Variants in SLC25A42 observed in about 807,000 individuals in gnomAD.
SLC25A42 encodes the protein solute carrier family 25 member 42, also known as mitochondrial coenzyme A transporter SLC25A42.
In SLC25A42, 19 loss-of-function variants were observed where a neutral mutation model predicts 34.7. The observed-to-expected ratio is 0.55, with a 90% CI of 0.38 to 0.80. The LOEUF (loss-of-function observed/expected upper bound fraction) is 0.80. Among genes scored for constraint, SLC25A42 ranks in the 30% least tolerant of loss-of-function variants. The pLI is 0.00. For missense variants in SLC25A42, 364 were observed against 441.3 expected, an observed-to-expected ratio of 0.82 and a Z score of 1.57; for synonymous variants, 205 against 191.2, an observed-to-expected ratio of 1.07 and a Z score of -0.59.
At position 19,076,874 on chromosome 19, in the gene SLC25A42, G is replaced by A. The variant is rs369380552; in HGVS notation, c.-35+12759G>A. ...ATCTTTATCACCATAAATGTGTTTT[G>A]TACTTACGTTTCTTAAAAATTGTGG... is the stretch of plus-strand genomic sequence containing the variant. On this transcript the variant is annotated intron_variant, in intron 1 of 7. Coordinates refer to ENST00000318596, the MANE Select transcript of SLC25A42 (RefSeq NM_178526.5). Among the ~76,000 whole-genome samples the A allele has an allele frequency of 3.2e-4, 48 of 152,030 alleles. 1 individual carries two copies. In the South Asian group the frequency reaches 5.6e-3, roughly 18 times the overall value.
Position 19,107,879 on chromosome 19 carries a change from G to T in SLC25A42, c.498-15G>T. The T allele has an allele frequency of 6.2e-7, 1 of 1,613,736 alleles. No individual in the cohort carries two copies. The highest frequency in any genetic ancestry group is 8.5e-7 in the Non-Finnish European group (1 of 1,179,884). ...AGGCCTGAGTCCCACCTGCTGGGCT[G>T]CTCTGTCCTGGCAGGTACAGCAACA... On this transcript the variant is annotated splice_polypyrimidine_tract_variant and intron_variant, in intron 6 of 7. Coordinates refer to ENST00000318596, the MANE Select transcript of SLC25A42 (RefSeq NM_178526.5).
chr19:19,097,523 C>T (rs1206540706), intron 2 of SLC25A42, among the ~76,000 whole-genome samples: 2 of 152,258 alleles, frequency 1.3e-5, no homozygotes, highest in South Asian at 2.1e-4. Flanking sequence ...CGCAGAAATG[C>T]GCCAGTGCTG....
At chr19:19,094,789 C>T (rs2059755717) in intron 1 of SLC25A42, among the ~76,000 whole-genome samples, 1 of 152,198 alleles carries the variant, frequency 6.6e-6, no homozygotes, top group Non-Finnish European at 1.5e-5. Flanking sequence ...GCCTGGAATC[C>T]CAGCATTTTG....
At chr19:19,103,102 G>T (rs1374591045) in intron 3 of SLC25A42, among the ~76,000 whole-genome samples, 1 of 151,838 alleles carries the variant, frequency 6.6e-6, no homozygotes, top group Non-Finnish European at 1.5e-5. Context: ...TTGTTTGTTT[G>T]TTTGTTTTTG....
At chr19:19,067,419 A>C (rs1047347902) in intron 1 of SLC25A42, among the ~76,000 whole-genome samples, 4 of 151,704 alleles carry the variant, frequency 2.6e-5, no homozygotes, top group Non-Finnish European at 4.4e-5. Flanking sequence ...CTATCTCTAT[A>C]AAAAAAATTT....
At position 19,111,313 on chromosome 19, in the gene SLC25A42, G is replaced by A. The variant is rs901767895; in HGVS notation, c.*437G>A. 5.6e-6 allele frequency: 1 copy of A among 178,224 alleles called. No homozygotes were observed. The highest frequency in any genetic ancestry group is 1.2e-5 in the Non-Finnish European group (1 of 84,104). The allele number at this position is 178,224 out of a possible 1,614,324, so 11.0% of individuals were successfully genotyped here. On this transcript the variant is annotated 3_prime_UTR_variant, in exon 8 of 8. Transcript: ENST00000318596. ...CACGTGCCTGCCCGGCCTCCAGGGTGCGGGGGCGCCTTTCTTGCAGGCGGA... is the reference window on the plus strand; with the variant it reads ...CACGTGCCTGCCCGGCCTCCAGGGTACGGGGGCGCCTTTCTTGCAGGCGGA...
chr19:19,077,922 G>C (rs188981030), intron 1 of SLC25A42, among the ~76,000 whole-genome samples: 25 of 152,308 alleles, frequency 1.6e-4, no homozygotes, highest in African/African-American at 6.0e-4. Flanking sequence ...AACCTTTTGT[G>C]CCTGGCTTCT....
chr19:19,074,977 C>A (rs1454122795), intron 1 of SLC25A42, among the ~76,000 whole-genome samples: 1 of 151,894 alleles, frequency 6.6e-6, no homozygotes, highest in Non-Finnish European at 1.5e-5. Flanking sequence ...GTAGCAAGAC[C>A]CCGTCTCTAC....
chr19:19,108,969 C>T (rs1033779355), intron 7 of SLC25A42, among the ~76,000 whole-genome samples: 6 of 151,678 alleles, frequency 4.0e-5, no homozygotes, highest in South Asian at 2.1e-4. Context: ...TTAGGGGTAA[C>T]GCTGAGGGCC....
chr19:19,108,399 A>G (rs1036970578), intron 7 of SLC25A42, among the ~76,000 whole-genome samples: 1 of 152,132 alleles, frequency 6.6e-6, no homozygotes, highest in Non-Finnish European at 1.5e-5. Context: ...AAAGATACAA[A>G]AAAATTAGGC....
Position 19,091,598 on chromosome 19 carries a change from C to T in SLC25A42, c.-34-4493C>T, listed in dbSNP as rs558238516. Reference sequence around the variant, plus strand: ...AGTGGAAACAGAAGAATGTTATGGCCGGGTGCGGTGGCTCCCACCTGGAAT... The same window carrying T: ...AGTGGAAACAGAAGAATGTTATGGCTGGGTGCGGTGGCTCCCACCTGGAAT... On this transcript the variant is annotated intron_variant, in intron 1 of 7. Coordinates refer to ENST00000318596, the MANE Select transcript of SLC25A42 (RefSeq NM_178526.5). 5.1e-4 allele frequency among the ~76,000 whole-genome samples: 77 copies of T among 151,554 alleles called. 1 individual carries two copies. Among genetic ancestry groups the T allele is most frequent in the African/African-American group, 1.8e-3 (74 of 41,310 alleles).
chr19:19,074,204 C>T (rs2059644623), intron 1 of SLC25A42, among the ~76,000 whole-genome samples: 1 of 152,134 alleles, frequency 6.6e-6, no homozygotes, highest in Non-Finnish European at 1.5e-5. Flanking sequence ...GGTGTTTAAC[C>T]CATAGAGACC....
intron 1 of SLC25A42, among the ~76,000 whole-genome samples, chr19:19,067,173 A>G (rs933814272): frequency 2.0e-5 from 3 of 152,204 alleles, no homozygotes; most frequent in Non-Finnish European, 4.4e-5. Flanking sequence ...GGTAAAAAAC[A>G]GCACAAGAGA....
At chr19:19,085,078 GC>G (rs1248314390) in intron 1 of SLC25A42, among the ~76,000 whole-genome samples, 3 of 152,172 alleles carry the variant, frequency 2.0e-5, no homozygotes, top group Non-Finnish European at 2.9e-5. Flanking sequence ...CTGCACTGGG[GC>G]CTGAGTTCCC....
intron 1 of SLC25A42, among the ~76,000 whole-genome samples, chr19:19,072,409 A>G (rs2059635622): frequency 6.6e-6 from 1 of 151,956 alleles, no homozygotes; most frequent in African/African-American, 2.4e-5. Context: ...TCAGAGTCTC[A>G]CTGTGTTACC....
chr19:19,093,351 G>A (rs1347719608), intron 1 of SLC25A42, among the ~76,000 whole-genome samples: 1 of 152,128 alleles, frequency 6.6e-6, no homozygotes, highest in Non-Finnish European at 1.5e-5. Flanking sequence ...AATTGCAAAG[G>A]CTGTACCAAG....
chr19:19,103,453 GACCTT>G (rs1179455099), intron 3 of SLC25A42, among the ~76,000 whole-genome samples: 8 of 152,124 alleles, frequency 5.3e-5, no homozygotes, highest in African/African-American at 1.9e-4. Context: ...AACCCAGTAT[GACCTT>G]ACCTTAACTC....
chr19:19,099,524 G>A (rs910470508), intron 2 of SLC25A42, among the ~76,000 whole-genome samples: 1 of 152,086 alleles, frequency 6.6e-6, no homozygotes, highest in African/African-American at 2.4e-5. Context: ...TGGGATTCAG[G>A]CCAAGTGTGT....
chr19:19,070,371 C>T (rs2059623522), intron 1 of SLC25A42, among the ~76,000 whole-genome samples: 2 of 141,290 alleles, frequency 1.4e-5, no homozygotes, highest in African/African-American at 5.3e-5. Context: ...GATCTCGGCT[C>T]ACCGCAACCT....
Sources: allele counts gnomAD v4.1 joint callset (sites outside exome capture counted in the v4.1 genomes callset), GRCh38; gene constraint gnomAD v4.1.1; transcripts MANE v1.5; gene names NCBI Gene and HGNC (gene_info 2026-07-23, HGNC 2026-07-21).